The following SOX6 variants were observed in gnomAD, a reference collection of about 807,000 sequenced individuals.
SOX6 encodes the protein SRY-box transcription factor 6.
SOX6 carries 11 observed loss-of-function variants against 97.8 expected under a neutral mutation model. The ratio of observed to expected loss-of-function variants is 0.11; its 90% CI spans 0.07 to 0.19. SOX6 has a LOEUF of 0.19. Among genes scored for constraint, SOX6 ranks in the 10% least tolerant of loss-of-function variants. SOX6 has a pLI of 1.00. For synonymous variants in SOX6, 360 were observed against 371.4 expected (o/e 0.97, Z 0.35); for missense variants, 810 against 1,039.5 (o/e 0.78, Z 3.04).
chr11:16,649,115 G>T (rs1276677771), intron 3 of SOX6, among the ~76,000 whole-genome samples: 5 of 152,082 alleles, frequency 3.3e-5, no homozygotes, highest in Non-Finnish European at 7.3e-5. Flanking sequence ...AAAATATTTG[G>T]GATTATCTTA....
chr11:16,633,490 C>T (rs1025272494), intron 3 of SOX6, among the ~76,000 whole-genome samples: 46 of 152,138 alleles, frequency 3.0e-4, no homozygotes, highest in African/African-American at 1.1e-3. Flanking sequence ...AAAACAACTA[C>T]CTGAGAGCTC....
At chr11:16,279,999 C>T (rs923326128) in intron 3 of SOX6, among the ~76,000 whole-genome samples, 1 of 152,082 alleles carries the variant, frequency 6.6e-6, no homozygotes, top group Non-Finnish European at 1.5e-5. Flanking sequence ...CTTCAGTCCA[C>T]ACGTCATTTG....
rs952460963 is a variant in SOX6 at position 16,735,670 on chromosome 11, C to T, written n.353+669G>A. On this transcript the variant is annotated intron_variant and non_coding_transcript_variant, in intron 2 of 5. Transcript: ENST00000524520. ...TATTTTAAGCAAGTATTTAACTTTT[C>T]TTAAGTTTAATTACCTATAAAATTC... 2.4e-4 allele frequency among the ~76,000 whole-genome samples: 37 copies of T among 152,116 alleles called. 1 individual carries two copies.
chr11:16,593,398 AG>A (rs1265996330), intron 4 of SOX6, among the ~76,000 whole-genome samples: 3 of 152,190 alleles, frequency 2.0e-5, no homozygotes, highest in Non-Finnish European at 4.4e-5. Flanking sequence ...ACAGCGTAAA[AG>A]TAAAGACACC....
intron 7 of SOX6, among the ~76,000 whole-genome samples, chr11:16,100,649 CAGG>C (rs1848919897): frequency 6.6e-6 from 1 of 150,960 alleles, no homozygotes; most frequent in African/African-American, 2.4e-5. Context: ...AACTTAACGG[CAGG>C]AGAAGGGGAG....
At chr11:16,062,851 C>G (rs1847991694) in intron 9 of SOX6, among the ~76,000 whole-genome samples, 1 of 151,648 alleles carries the variant, frequency 6.6e-6, no homozygotes, top group African/African-American at 2.4e-5. Flanking sequence ...ATATTTGACA[C>G]ATAGAACTGA....
intron 4 of SOX6, among the ~76,000 whole-genome samples, chr11:16,230,584 T>G (rs529213911): frequency 6.6e-6 from 1 of 151,730 alleles, no homozygotes; most frequent in Non-Finnish European, 1.5e-5. Flanking sequence ...ATAAAATAAC[T>G]GAATAAATGA....
intron 3 of SOX6, among the ~76,000 whole-genome samples, chr11:16,267,395 C>T (rs1422154586): frequency 2.6e-5 from 4 of 151,532 alleles, no homozygotes; most frequent in Non-Finnish European, 1.5e-5. Flanking sequence ...CCTGAATACA[C>T]ATTTCTCAAA....
intron 3 of SOX6, among the ~76,000 whole-genome samples, chr11:16,309,334 G>A (rs926916350): frequency 2.0e-5 from 3 of 152,142 alleles, no homozygotes; most frequent in Non-Finnish European, 4.4e-5. Context: ...GTATATGGAA[G>A]ATTACACAAA....
intron 3 of SOX6, among the ~76,000 whole-genome samples, chr11:16,260,592 T>C (rs911510352): frequency 6.6e-5 from 10 of 152,228 alleles, no homozygotes; most frequent in Non-Finnish European, 1.3e-4. Flanking sequence ...GAAAAATATA[T>C]GTATTTTTGT....
At chr11:16,724,395 C>T (rs1016230087) in intron 2 of SOX6, among the ~76,000 whole-genome samples, 1 of 151,826 alleles carries the variant, frequency 6.6e-6, no homozygotes, top group Non-Finnish European at 1.5e-5. Context: ...ATGTAAGGAA[C>T]ACACTGGGCA....
At chr11:16,216,083 C>CT (rs1388975040) in intron 4 of SOX6, among the ~76,000 whole-genome samples, 5 of 152,154 alleles carry the variant, frequency 3.3e-5, no homozygotes, top group Admixed American at 2.6e-4. Flanking sequence ...TCTGTTCACT[C>CT]TTTTGGAAAT....
At chr11:16,502,636 C>T (rs1860725713) in intron 4 of SOX6, among the ~76,000 whole-genome samples, 1 of 151,906 alleles carries the variant, frequency 6.6e-6, no homozygotes, top group Non-Finnish European at 1.5e-5. Flanking sequence ...AACTTGAAGG[C>T]AGGTCTTTTG....
intron 4 of SOX6, among the ~76,000 whole-genome samples, chr11:16,585,713 C>CA (rs1323532561): frequency 8.8e-6 from 1 of 113,548 alleles, no homozygotes; most frequent in African/African-American, 3.5e-5. Context: ...GACAGGGTCT[C>CA]ACTTTGTCAC....
chr11:16,075,968 G>T (rs1245222398), intron 9 of SOX6, among the ~76,000 whole-genome samples: 1 of 152,042 alleles, frequency 6.6e-6, no homozygotes, highest in East Asian at 1.9e-4. Context: ...ACCTCTCACT[G>T]GGTCCCTCCC....
intron 4 of SOX6, chr11:16,567,434 G>A (rs1847884440): frequency 2.6e-5 from 4 of 152,182 alleles, no homozygotes; most frequent in African/African-American, 9.7e-5. Context: ...CAACATAGGT[G>A]GAGACTGCCA....
intron 3 of SOX6, among the ~76,000 whole-genome samples, chr11:16,254,462 G>A (rs1346710552): frequency 6.6e-6 from 1 of 151,948 alleles, no homozygotes; most frequent in Non-Finnish European, 1.5e-5. Flanking sequence ...GTGAAGGAAT[G>A]ACAGCAGTAA....
At chr11:16,375,956 C>T (rs1857630932) in intron 1 of SOX6, among the ~76,000 whole-genome samples, 1 of 152,040 alleles carries the variant, frequency 6.6e-6, no homozygotes, top group Non-Finnish European at 1.5e-5. Flanking sequence ...CATGTTCTCA[C>T]TCATAAGTGG....
At chr11:16,353,768 T>C (rs555888116) in intron 1 of SOX6, among the ~76,000 whole-genome samples, 4 of 152,130 alleles carry the variant, frequency 2.6e-5, no homozygotes, top group East Asian at 1.9e-4. Flanking sequence ...CTTTACCAAG[T>C]ACATATTTGC....
Sources: allele counts gnomAD v4.1 joint callset (sites outside exome capture counted in the v4.1 genomes callset), GRCh38; gene constraint gnomAD v4.1.1; transcripts MANE v1.5; gene names NCBI Gene and HGNC (gene_info 2026-07-23, HGNC 2026-07-21).